PCDHA4: variants seen among roughly 807,000 people sequenced by gnomAD.
PCDHA4 encodes the protein protocadherin alpha 4.
A neutral mutation model predicts 61.4 loss-of-function variants in PCDHA4; 49 were observed. The observed-to-expected ratio is 0.80, with a 90% CI of 0.63 to 1.01. PCDHA4 has a LOEUF of 1.01. Ranked by LOEUF, PCDHA4 falls within the 50% of genes least tolerant of loss-of-function variation. PCDHA4 has a pLI of 0.00. For synonymous variants in PCDHA4, 590 were observed against 550.3 expected (o/e 1.07, Z -1.01); for missense variants, 1,254 against 1,235.8 (o/e 1.01, Z -0.22).
intron 1 of PCDHA4, chr5:140,881,315 A>G: frequency 1.0e-6 from 1 of 981,768 alleles, no homozygotes; most frequent in Non-Finnish European, 1.2e-6. Flanking sequence ...TCCTGGTTAA[A>G]TTCTATTTAA....
At position 140,929,044 on chromosome 5, in the gene PCDHA4, T is replaced by C. The variant is rs17844369; in HGVS notation, c.2386-49905T>C. ...GAGCCCAGGCTGTTGCGCTCAGAGC[T>C]GCTGTCGCTCTACAGAGGATCTGAG... On this transcript the variant is annotated intron_variant, in intron 1 of 3. Coordinates refer to ENST00000530339, the MANE Select transcript of PCDHA4 (RefSeq NM_018907.4). 7 of 1,614,100 alleles carry C rather than the reference T, an allele frequency of 4.3e-6. No individual in the cohort carries two copies. The East Asian group carries it at 1.6e-4, about 36-fold the overall frequency.
At chr5:140,834,597 G>A (rs1554134361) in intron 1 of PCDHA4, 1 of 1,614,130 alleles carries the variant, frequency 6.2e-7, no homozygotes, top group African/African-American at 1.3e-5. Flanking sequence ...CAAATTCCGT[G>A]GGGATCTTCT....
intron 1 of PCDHA4, chr5:140,850,488 G>T: frequency 6.3e-7 from 1 of 1,598,176 alleles, no homozygotes. Context: ...CACGGCCACT[G>T]TGCTGGTGTC....
At chr5:140,853,149 G>T in intron 1 of PCDHA4, 1 of 844,586 alleles carries the variant, frequency 1.2e-6, no homozygotes, top group Non-Finnish European at 1.5e-6. Flanking sequence ...AAAATGCTGG[G>T]ATTACAGGCG....
intron 1 of PCDHA4, among the ~76,000 whole-genome samples, chr5:140,975,553 G>A (rs990389718): frequency 6.6e-6 from 1 of 152,226 alleles, no homozygotes; most frequent in Non-Finnish European, 1.5e-5. Flanking sequence ...TATTAGGAAG[G>A]AAAAGGAGAT....
intron 3 of PCDHA4, among the ~76,000 whole-genome samples, chr5:140,997,912 A>G (rs2097790316): frequency 6.6e-6 from 1 of 152,224 alleles, no homozygotes; most frequent in Admixed American, 6.5e-5. Flanking sequence ...GTAGAATTAC[A>G]GAATCATAGG....
At chr5:140,875,596 G>T (rs1554167787) in intron 1 of PCDHA4, 2 of 1,613,938 alleles carry the variant, frequency 1.2e-6, no homozygotes, top group East Asian at 2.2e-5. Context: ...GGCCAAACAC[G>T]GCACCTTCGT....
chr5:140,910,958 C>G (rs571427431), intron 1 of PCDHA4, among the ~76,000 whole-genome samples: 2 of 152,220 alleles, frequency 1.3e-5, no homozygotes, highest in East Asian at 3.9e-4. Context: ...TCGAGTGTAG[C>G]ACACCTCCTC....
chr5:140,850,139 C>G (rs2041373469), intron 1 of PCDHA4: 1 of 1,595,636 alleles, frequency 6.3e-7, no homozygotes, highest in African/African-American at 1.3e-5. Context: ...TGGGCAGCAA[C>G]GTGACGCTGC....
At chr5:140,862,916 G>T (rs1581662111) in intron 1 of PCDHA4, 1 of 547,888 alleles carries the variant, frequency 1.8e-6, no homozygotes, top group Non-Finnish European at 3.5e-6. Context: ...CTGGCGCCTT[G>T]GGTGGGCTGG....
rs571215806 is a variant in PCDHA4, at chr5:140,940,454, G to T, written c.2386-38495G>T. Among the ~76,000 whole-genome samples, 18 of 151,694 alleles carry T rather than the reference G, an allele frequency of 1.2e-4. No homozygotes were observed. The East Asian group carries it at 3.3e-3, about 28-fold the overall frequency. On this transcript the variant is annotated intron_variant, in intron 1 of 3. Coordinates refer to ENST00000530339, the MANE Select transcript of PCDHA4 (RefSeq NM_018907.4). ...AAGTCTGCCATGATATTTTTTATAGGTTTCTGTTCCCTGCAATTTTTTTTT... is the reference window on the plus strand; with the variant it reads ...AAGTCTGCCATGATATTTTTTATAGTTTTCTGTTCCCTGCAATTTTTTTTT...
At chr5:140,843,944 A>G in intron 1 of PCDHA4, 2 of 570,390 alleles carry the variant, frequency 3.5e-6, no homozygotes, top group Non-Finnish European at 6.2e-6. Flanking sequence ...GTTGGATGAT[A>G]TCCATTTTTT....
rs1024369617 is a variant in PCDHA4 at position 140,837,461 on chromosome 5, C to G, written c.2385+27889C>G. On this transcript the variant is annotated intron_variant, in intron 1 of 3. Transcript: ENST00000530339. ...TAGTACGTAGTAAAAAATCTCCTTG[C>G]CTCCTCAAACCCCAAACCATTTACT... 4.6e-5 allele frequency among the ~76,000 whole-genome samples: 7 copies of G among 151,760 alleles called. 1 individual carries two copies. The highest frequency in any genetic ancestry group is 1.0e-4 in the Non-Finnish European group (7 of 67,946).
chr5:140,815,613 A>T (rs1554126828), intron 1 of PCDHA4: 16 of 152,076 alleles, frequency 1.1e-4, no homozygotes, highest in Non-Finnish European at 1.9e-4. Context: ...TGACTTTTGT[A>T]CCACCATTAC....
intron 1 of PCDHA4, chr5:140,884,245 G>A: frequency 6.2e-7 from 1 of 1,613,462 alleles, no homozygotes; most frequent in Non-Finnish European, 8.5e-7. Context: ...AGCCCGCGCT[G>A]ACGGCCACGG....
chr5:140,920,974 A>G (rs77459262), intron 1 of PCDHA4, among the ~76,000 whole-genome samples: 17,697 of 151,984 alleles, frequency 0.12, 1,149 homozygotes, highest in Middle Eastern at 0.19. Context: ...CTAGAGTATA[A>G]TATTGTATTT....
At position 140,971,319 on chromosome 5, in the gene PCDHA4, A is replaced by C. The variant is rs568701560; in HGVS notation, c.2386-7630A>C. ...TGGTACACAAACATTTAATCTAGGG[A>C]GAAAATTATTTCAGAAAGTGCTTGC... is the stretch of plus-strand genomic sequence containing the variant. On this transcript the variant is annotated intron_variant, in intron 1 of 3. Transcript: ENST00000530339. Among the ~76,000 whole-genome samples the C allele has an allele frequency of 2.1e-4, 32 of 152,346 alleles. 1 individual carries two copies. Among genetic ancestry groups the C allele is most frequent in the Admixed American group, 2.0e-3 (31 of 15,306 alleles).
At chr5:141,003,423 T>G (rs1278383006) in intron 3 of PCDHA4, among the ~76,000 whole-genome samples, 1 of 152,164 alleles carries the variant, frequency 6.6e-6, no homozygotes, top group Non-Finnish European at 1.5e-5. Context: ...GTGATTCTTA[T>G]GCCTCAGCCT....
At chr5:140,960,841 T>C (rs1554225062) in intron 1 of PCDHA4, among the ~76,000 whole-genome samples, 1 of 152,222 alleles carries the variant, frequency 6.6e-6, no homozygotes, top group African/African-American at 2.4e-5. Context: ...GGAACAGGTT[T>C]AATGGCAACT....
Sources: gnomAD v4.1 joint callset for allele counts (sites outside exome capture counted in the v4.1 genomes callset) on GRCh38, gnomAD v4.1.1 for gene constraint, MANE v1.5 for transcripts, NCBI Gene and HGNC (gene_info 2026-07-23, HGNC 2026-07-21) for gene names.